Variants in BOD1L1 observed in about 807,000 individuals in gnomAD.
The protein encoded by BOD1L1 is biorientation of chromosomes in cell division protein 1-like 1.
Under a neutral mutation model 240.7 loss-of-function variants are expected in BOD1L1, and 86 were observed. The ratio of observed to expected loss-of-function variants is 0.36; its 90% confidence interval spans 0.30 to 0.43. The LOEUF is 0.43. BOD1L1 is among the 20% of genes least tolerant of loss of function. The probability of loss-of-function intolerance (pLI) is 1.00; values close to 1 mark genes in which losing one functional copy is unlikely to be tolerated. For missense variants in BOD1L1, 3,554 were observed against 3,643.5 expected, an observed-to-expected ratio of 0.98 and a Z score of 0.63; for synonymous variants, 1,268 against 1,272.3, an observed-to-expected ratio of 1.00 and a Z score of 0.07.
At position 13,603,949 on chromosome 4, in the gene BOD1L1, G is replaced by A; in HGVS notation, c.2951C>T (p.Thr984Ile). 1 of 1,613,862 alleles carries A rather than the reference G, an allele frequency of 6.2e-7. No homozygotes were observed. Among genetic ancestry groups the A allele is most frequent in the Non-Finnish European group, 8.5e-7 (1 of 1,179,852 alleles). The change falls in exon 10 of 26, where the codon ACA becomes ATA. Residue 984 changes from threonine (T) to isoleucine (I), a missense_variant. Thr to Ile is a moderately conservative substitution (Grantham distance 89, BLOSUM62 -1). Coordinates refer to ENST00000040738, the MANE Select transcript of BOD1L1 (RefSeq NM_148894.3). Reference protein sequence around the residue: ...LETASSSAHSTQKDSSHRAKL... With the variant: ...LETASSSAHSIQKDSSHRAKL... The stretch of plus-strand genomic sequence containing the variant: ...GGCTCTATGACTAGAATCCTTCTGT[G>A]TACTATGTGCTGAAGAAGAAGCAGT...
Position 13,591,829 on chromosome 4 carries a change from A to C in BOD1L1, c.8148+94T>G, listed in dbSNP as rs1714242758. The C allele has an allele frequency of 3.3e-6, 3 of 906,536 alleles. No homozygotes were observed. In the Admixed American group the frequency reaches 9.2e-5, roughly 28 times the overall value. The allele number at this position is 906,536 out of a possible 1,614,324, so 56.2% of individuals were successfully genotyped here. ...TGGCTACTACAGAAATACACAGGCAACCCCTTCAGATGGCTCCTCCTCAAT... is the reference window on the plus strand; with the variant it reads ...TGGCTACTACAGAAATACACAGGCACCCCCTTCAGATGGCTCCTCCTCAAT... On this transcript the variant is annotated intron_variant, in intron 13 of 25. Transcript: ENST00000040738.
chr4:13,576,803 G>A (rs371395766), intron 25 of BOD1L1, 35 bp downstream of exon 25: 2 of 1,578,006 alleles, frequency 1.3e-6, no homozygotes, highest in Non-Finnish European at 8.6e-7. Context: ...AGAAGCTGGT[G>A]AAGGTCTCTG....
intron 22 of BOD1L1, chr4:13,578,261 G>A (rs549063725): frequency 6.6e-6 from 1 of 151,828 alleles, no homozygotes; most frequent in Non-Finnish European, 1.5e-5. Context: ...CAAAAAAGAA[G>A]AAAAAAGGGG....
chr4:13,624,904 T>C (rs538950600), intron 1 of BOD1L1: 1 of 152,210 alleles, frequency 6.6e-6, no homozygotes. Flanking sequence ...GAGGTTCAAG[T>C]GGCAGATGAA....
At chr4:13,594,017 T>C (rs143590120) in intron 12 of BOD1L1, among the ~76,000 whole-genome samples, 25 of 152,292 alleles carry the variant, frequency 1.6e-4, no homozygotes, top group African/African-American at 6.0e-4. Context: ...AAGCTAAAAG[T>C]AGAGGCTATG....
chr4:13,627,390 G>C lies in BOD1L1; in HGVS notation c.198C>G (p.Leu66=), dbSNP rs1717478398. ...MIVNHLKSQG[L]FDQFRRDCLA... Reference sequence around the variant, plus strand: ...GGCAGTCTCTGCGGAACTGGTCGAAGAGCCCCTGGCTCTTGAGGTGGTTCA... The same window carrying C: ...GGCAGTCTCTGCGGAACTGGTCGAACAGCCCCTGGCTCTTGAGGTGGTTCA... Residue 66 remains leucine, a synonymous_variant, in exon 1 of 26, where the codon CTC becomes CTG. Coordinates refer to ENST00000040738, the MANE Select transcript of BOD1L1 (RefSeq NM_148894.3). The C allele has an allele frequency of 7.2e-7, 1 of 1,385,262 alleles. No individual in the cohort carries two copies. Among genetic ancestry groups the C allele is most frequent in the South Asian group, 2.0e-5 (1 of 48,896 alleles). 85.8% of individuals were successfully genotyped at this position (1,385,262 alleles called of 1,614,324 possible).
At position 13,603,781 on chromosome 4, in the gene BOD1L1, G is replaced by A. The variant is rs771870244; in HGVS notation, c.3119C>T (p.Ser1040Leu). ...AACTTCTTTACCATCCTTGTCATCT[G>A]ATTTATTTTCGTCCTTCTTTTTTAT... ...KDIKKKDENK[S>L]DDKDGKEVDS... The change falls in exon 10 of 26, where the codon TCA becomes TTA. Residue 1040 changes from serine to leucine, a missense_variant. Coordinates refer to ENST00000040738, the MANE Select transcript of BOD1L1 (RefSeq NM_148894.3). 1.8e-5 allele frequency: 29 copies of A among 1,613,404 alleles called. No homozygotes were observed. Among genetic ancestry groups the A allele is most frequent in the Non-Finnish European group, 2.5e-5 (29 of 1,179,814 alleles).
chr4:13,605,815 C>T (rs1287026565), intron 9 of BOD1L1, among the ~76,000 whole-genome samples: 1 of 152,034 alleles, frequency 6.6e-6, no homozygotes, highest in African/African-American at 2.4e-5. Context: ...TTCAAATGTA[C>T]ACAATAACGC....
chr4:13,610,062 T>C (rs1716037002), intron 6 of BOD1L1, among the ~76,000 whole-genome samples: 2 of 152,166 alleles, frequency 1.3e-5, no homozygotes, highest in African/African-American at 4.8e-5. Context: ...CTACTAGCAT[T>C]TTGGGGTAGT....
intron 22 of BOD1L1, among the ~76,000 whole-genome samples, chr4:13,579,304 C>T (rs1270387023): frequency 3.9e-5 from 6 of 152,134 alleles, no homozygotes; most frequent in East Asian, 3.8e-4. Flanking sequence ...TAAGACCAAA[C>T]GTGCATAATC....
chr4:13,586,209 A>G (rs1210488240), intron 17 of BOD1L1, among the ~76,000 whole-genome samples, 187 bp downstream of exon 17: 1 of 152,238 alleles, frequency 6.6e-6, no homozygotes, highest in East Asian at 1.9e-4. Context: ...AAGAATTATA[A>G]AGTGCAACAT....
At chr4:13,596,533 G>C (rs1714634588) in intron 11 of BOD1L1, among the ~76,000 whole-genome samples, 2 of 151,730 alleles carry the variant, frequency 1.3e-5, no homozygotes, top group Admixed American at 1.3e-4. Context: ...CTTCAGATCA[G>C]GCTAGAAAGA....
rs1267683650 is a variant in BOD1L1, at chr4:13,604,985, G to A, written c.1915C>T (p.His639Tyr). Residue 639 changes from histidine to tyrosine, a missense_variant, in exon 10 of 26, where the codon CAT (histidine) becomes TAT (tyrosine). Physicochemically the swap from His to Tyr is moderately conservative, Grantham distance 83. Coordinates refer to ENST00000040738, the MANE Select transcript of BOD1L1 (RefSeq NM_148894.3). ...TCATTTTTGTTTTCGTCAACTACATGCAAAGACTCTGAAAGTCTCCGGGCA... is the reference window on the plus strand; with the variant it reads ...TCATTTTTGTTTTCGTCAACTACATACAAAGACTCTGAAAGTCTCCGGGCA... ...KPARRLSESL[H>Y]VVDENKNESK... 2 of 1,613,188 alleles carry A rather than the reference G, an allele frequency of 1.2e-6. No homozygotes were observed. The highest frequency in any genetic ancestry group is 1.7e-6 in the Non-Finnish European group (2 of 1,179,686).
chr4:13,601,111 T>C lies in BOD1L1; in HGVS notation c.5789A>G (p.Asn1930Ser), dbSNP rs751794278. ...CTCTGTGCCACTCATGCTGTCAACA[T>C]TATTTTCATTTGCATTCATGATGGC... ...GAAIMNANEN[N>S]VDSMSGTEKG... The change falls in exon 10 of 26, where the codon AAT (asparagine) becomes AGT (serine). Residue 1930 changes from asparagine (N) to serine (S), a missense_variant. Coordinates refer to ENST00000040738, the MANE Select transcript of BOD1L1 (RefSeq NM_148894.3). 1 of 1,613,988 alleles carries C rather than the reference T, an allele frequency of 6.2e-7. No homozygotes were observed. Among genetic ancestry groups the C allele is most frequent in the Admixed American group, 1.7e-5 (1 of 60,024 alleles).
Position 13,613,382 on chromosome 4 carries a change from C to T in BOD1L1, c.1324+130G>A. The T allele has an allele frequency of 1.1e-6, 1 of 897,102 alleles. No homozygotes were observed. The highest frequency in any genetic ancestry group is 1.6e-6 in the Non-Finnish European group (1 of 627,324). The allele number at this position is 897,102 out of a possible 1,614,324, so 55.6% of individuals were successfully genotyped here. On this transcript the variant is annotated intron_variant, in intron 5 of 25. Transcript: ENST00000040738. The surrounding 1 kb of genome is among the most constrained non-coding windows in gnomAD (Gnocchi z 4.0). ...CAACTTTGGAGCTGGGACTCAGAAA[C>T]AAATCTTCCAACTACAAAATCCCAT... is the stretch of plus-strand genomic sequence containing the variant.
At position 13,608,655 on chromosome 4, in the gene BOD1L1, C is replaced by A; in HGVS notation, c.1617G>T (p.Val539=). The A allele has an allele frequency of 6.6e-7, 1 of 1,506,390 alleles. No individual in the cohort carries two copies. The highest frequency in any genetic ancestry group is 2.4e-5 in the Admixed American group (1 of 41,328). The allele number at this position is 1,506,390 out of a possible 1,614,324, so 93.3% of individuals were successfully genotyped here. A position where few individuals can be genotyped will look rare whatever the true frequency, so the allele number is the denominator to read the frequency against. ...SKTKGQGRSS[V]DLEESSTKSL... ...TCTTTGTTGATGATTCTTCTAAGTC[C>A]ACACTACTCCTGCCTAGAAAAGAAG... is the stretch of plus-strand genomic sequence containing the variant. Residue 539 remains valine, a synonymous_variant, in exon 8 of 26, where the codon GTG becomes GTT. Transcript: ENST00000040738.
Position 13,591,985 on chromosome 4 carries a change from G to A in BOD1L1, c.8105-19C>T. ...AGTTCAGCTGTTCAAAAATAAAAAT[G>A]AGATGTAAAGAAACTGAATATTGTT... On this transcript the variant is annotated intron_variant, in intron 12 of 25. Coordinates refer to ENST00000040738, the MANE Select transcript of BOD1L1 (RefSeq NM_148894.3). 5 of 1,518,302 alleles carry A rather than the reference G, an allele frequency of 3.3e-6. No individual in the cohort carries two copies. The highest frequency in any genetic ancestry group is 4.4e-6 in the Non-Finnish European group (5 of 1,129,504). 94.1% of individuals were successfully genotyped at this position (1,518,302 alleles called of 1,614,324 possible).
rs144300104 is a variant in BOD1L1, at chr4:13,600,203, C to T, written c.6697G>A (p.Gly2233Ser). ...TCATTTTCACTTTCAACAACTACACCGGAAACAGAAGCCTCACATTCTTCT... is the reference window on the plus strand; with the variant it reads ...TCATTTTCACTTTCAACAACTACACTGGAAACAGAAGCCTCACATTCTTCT... ...IAEECEASVS[G>S]VVVESENERA... Residue 2233 changes from glycine (G) to serine (S), a missense_variant, in exon 10 of 26, where the codon GGT becomes AGT. This residue lies in a region of BOD1L1 where 3,393 missense variants were observed against 3,427.1 expected (regional missense o/e 0.99). Transcript: ENST00000040738. 5.3e-4 allele frequency: 848 copies of T among 1,613,856 alleles called. 1 individual carries two copies. The highest frequency in any genetic ancestry group is 5.8e-4 in the Non-Finnish European group (680 of 1,179,896).
At chr4:13,626,765 C>T (rs1296665434) in intron 1 of BOD1L1, among the ~76,000 whole-genome samples, 1 of 152,162 alleles carries the variant, frequency 6.6e-6, no homozygotes, top group Non-Finnish European at 1.5e-5. Context: ...TCTCTCTACC[C>T]CACCTTCCTG....
Sources: gnomAD v4.1 joint callset for allele counts (sites outside exome capture counted in the v4.1 genomes callset) on GRCh38, gnomAD v4.1.1 for gene constraint, gnomAD v4.1.1 regional missense constraint, Gnocchi (gnomAD v3.1) non-coding constraint, MANE v1.5 for transcripts, NCBI Gene and HGNC (gene_info 2026-07-23, HGNC 2026-07-21) for gene names.